Variants in SNTG1 observed in about 807,000 individuals in gnomAD.
SNTG1 encodes the protein gamma-1-syntrophin.
A neutral mutation model predicts 74.7 loss-of-function variants in SNTG1; 39 were observed. That is an observed-to-expected ratio of 0.52 (90% CI 0.40 to 0.68). The LOEUF is 0.68. Among genes scored for constraint, SNTG1 ranks in the 30% least tolerant of loss-of-function variants. The pLI, the probability that SNTG1 is intolerant of heterozygous loss-of-function variation, is 0.00. For missense variants in SNTG1, 685 were observed against 609.5 expected, an observed-to-expected ratio of 1.12 and a Z score of -1.30; for synonymous variants, 254 against 217.1, an observed-to-expected ratio of 1.17 and a Z score of -1.49.
Position 50,743,264 on chromosome 8 carries a change from G to A in SNTG1, c.1285-8737G>A, listed in dbSNP as rs576498928. Among the ~76,000 whole-genome samples, 9 of 151,900 alleles carry A rather than the reference G, an allele frequency of 5.9e-5. 1 individual carries two copies. The East Asian group carries it at 1.8e-3, about 30-fold the overall frequency. ...TTTAAAAAACTCTCAAAAAATACTA[G>A]CAAACAGAACTCAGCAACATATTAA... On this transcript the variant is annotated intron_variant, in intron 17 of 18. Coordinates refer to ENST00000642720, the MANE Select transcript of SNTG1 (RefSeq NM_018967.5).
intron 1 of SNTG1, among the ~76,000 whole-genome samples, chr8:50,018,041 A>T (rs531917158): frequency 4.6e-5 from 7 of 152,060 alleles, no homozygotes; most frequent in Non-Finnish European, 1.0e-4. Flanking sequence ...ATAGACAGAA[A>T]ATCCATGTCC....
At chr8:50,658,468 A>G (rs2095197597) in intron 14 of SNTG1, 124 bp from the exon 15 acceptor site, 1 of 586,688 alleles carries the variant, frequency 1.7e-6, no homozygotes, top group African/African-American at 1.9e-5. Flanking sequence ...GCATGGCTTC[A>G]CAGATGAGAG....
At chr8:50,457,380 A>C (rs1171825812) in intron 8 of SNTG1, among the ~76,000 whole-genome samples, 1 of 152,264 alleles carries the variant, frequency 6.6e-6, no homozygotes, top group Admixed American at 6.5e-5. Flanking sequence ...CAAGATCTTA[A>C]TAAGAGGGGA....
chr8:50,437,670 A>G (rs1489623865), intron 4 of SNTG1, among the ~76,000 whole-genome samples: 2 of 152,168 alleles, frequency 1.3e-5, no homozygotes, highest in Non-Finnish European at 2.9e-5. Context: ...GAAAAGGGTC[A>G]GTGTCTCAAA....
At chr8:50,327,284 C>T (rs934761497) in intron 2 of SNTG1, among the ~76,000 whole-genome samples, 3 of 152,068 alleles carry the variant, frequency 2.0e-5, no homozygotes, top group Non-Finnish European at 2.9e-5. Flanking sequence ...AAGATAATAG[C>T]GAATTCACCC....
At chr8:50,309,410 A>G (rs931626019) in intron 2 of SNTG1, among the ~76,000 whole-genome samples, 1 of 152,198 alleles carries the variant, frequency 6.6e-6, no homozygotes, top group South Asian at 2.1e-4. Context: ...TATTTCAAGA[A>G]GAGAAAGTCA....
chr8:50,366,722 T>A (rs1286702235), intron 2 of SNTG1, among the ~76,000 whole-genome samples: 1 of 146,706 alleles, frequency 6.8e-6, no homozygotes, highest in Non-Finnish European at 1.5e-5. Flanking sequence ...ACTTACTATT[T>A]GCATATATAT....
intron 15 of SNTG1, among the ~76,000 whole-genome samples, chr8:50,688,374 G>A (rs1563744689): frequency 6.6e-6 from 1 of 152,118 alleles, no homozygotes. Context: ...TTCTTCTAGG[G>A]TTTTTATGGT....
At chr8:50,559,193 G>A (rs187455002) in intron 12 of SNTG1, among the ~76,000 whole-genome samples, 29 of 152,222 alleles carry the variant, frequency 1.9e-4, no homozygotes, top group Admixed American at 6.5e-4. Flanking sequence ...GAATCTAGAT[G>A]AACATTGTTT....
At chr8:50,057,264 G>C (rs1489569758) in intron 1 of SNTG1, among the ~76,000 whole-genome samples, 1 of 152,046 alleles carries the variant, frequency 6.6e-6, no homozygotes, top group Non-Finnish European at 1.5e-5. Flanking sequence ...GGGCTATGCT[G>C]AGTGGAAATG....
intron 12 of SNTG1, among the ~76,000 whole-genome samples, chr8:50,561,253 C>T (rs1225151660): frequency 6.6e-6 from 1 of 152,172 alleles, no homozygotes; most frequent in Non-Finnish European, 1.5e-5. Flanking sequence ...TTCTCCTTTG[C>T]TTCCACCATG....
chr8:50,666,281 C>G (rs1330861246), intron 15 of SNTG1, among the ~76,000 whole-genome samples: 1 of 152,046 alleles, frequency 6.6e-6, no homozygotes, highest in Non-Finnish European at 1.5e-5. Flanking sequence ...AGGAAAAGAT[C>G]AAGGCATTTT....
At chr8:50,790,923 G>A (rs1376360157) in intron 18 of SNTG1, among the ~76,000 whole-genome samples, 2 of 151,722 alleles carry the variant, frequency 1.3e-5, no homozygotes, top group African/African-American at 2.4e-5. Context: ...AATTACCTTT[G>A]AGAAAAAGTT....
chr8:50,066,755 G>T (rs1362208512), intron 1 of SNTG1, among the ~76,000 whole-genome samples: 1 of 152,096 alleles, frequency 6.6e-6, no homozygotes, highest in Non-Finnish European at 1.5e-5. Flanking sequence ...TATTCTAATT[G>T]CATGATCTTC....
chr8:49,929,258 A>T (rs948584598), intron 1 of SNTG1, among the ~76,000 whole-genome samples: 2 of 152,202 alleles, frequency 1.3e-5, no homozygotes, highest in Non-Finnish European at 2.9e-5. Flanking sequence ...AAAGGATGAA[A>T]GCAGGGGGCA....
chr8:50,666,848 C>T (rs1028384051), intron 15 of SNTG1, among the ~76,000 whole-genome samples: 1 of 151,928 alleles, frequency 6.6e-6, no homozygotes, highest in East Asian at 1.9e-4. Flanking sequence ...GGAATAATTA[C>T]ATCTTCAATA....
chr8:50,231,226 C>G (rs2085605712), intron 2 of SNTG1, among the ~76,000 whole-genome samples: 1 of 150,960 alleles, frequency 6.6e-6, no homozygotes, highest in Non-Finnish European at 1.5e-5. Flanking sequence ...AAAGAAAAGA[C>G]AAAAGACAAG....
chr8:49,940,768 A>G (rs866936602), intron 1 of SNTG1, among the ~76,000 whole-genome samples: 29 of 152,196 alleles, frequency 1.9e-4, no homozygotes, highest in Non-Finnish European at 7.3e-5. Flanking sequence ...TATTAAACAC[A>G]GAAATATTGA....
intron 1 of SNTG1, among the ~76,000 whole-genome samples, chr8:50,159,972 T>C (rs1182162473): frequency 3.3e-5 from 5 of 152,192 alleles, no homozygotes; most frequent in Non-Finnish European, 7.4e-5. Context: ...ATTACCTAAG[T>C]TGGGCCCTTA....
Sources: gnomAD v4.1 joint callset for allele counts (sites outside exome capture counted in the v4.1 genomes callset) on GRCh38, gnomAD v4.1.1 for gene constraint, MANE v1.5 for transcripts, NCBI Gene and HGNC (gene_info 2026-07-23, HGNC 2026-07-21) for gene names.